RPH3A: variants seen among roughly 807,000 people sequenced by gnomAD.
The protein encoded by RPH3A is rabphilin 3A, also known as rabphilin-3A.
In RPH3A, 48 loss-of-function variants were observed where a neutral mutation model predicts 102.2. The observed-to-expected ratio is 0.47, with a 90% CI of 0.37 to 0.60. The LOEUF is 0.60. RPH3A is among the 20% of genes least tolerant of loss of function. The pLI is 0.00. For missense variants in RPH3A, 781 were observed against 910.1 expected (o/e 0.86, Z 1.83); for synonymous variants, 310 against 324.3 (o/e 0.96, Z 0.47).
At chr12:112,800,394 G>C (rs956427323) in intron 2 of RPH3A, among the ~76,000 whole-genome samples, 1 of 152,108 alleles carries the variant, frequency 6.6e-6, no homozygotes, top group African/African-American at 2.4e-5. Flanking sequence ...CACGTGATGG[G>C]GACAAAGGGA....
In RPH3A at chr12:112,770,937, C is replaced by G. The variant is rs913728587; in HGVS notation, c.-139-21206C>G. ...GGTATTATTTTGATTATTTTGATTT[C>G]AAATAAAATTGTGTTTCTCCTTGTT... On this transcript the variant is annotated intron_variant, in intron 1 of 21. Coordinates refer to the RPH3A transcript ENST00000543106. 4.6e-5 allele frequency among the ~76,000 whole-genome samples: 7 copies of G among 152,112 alleles called. No homozygotes were observed. The East Asian group carries it at 1.3e-3, about 29-fold the overall frequency.
chr12:112,731,976 C>T (rs1022337567), intron 1 of RPH3A, among the ~76,000 whole-genome samples: 3 of 152,210 alleles, frequency 2.0e-5, no homozygotes, highest in South Asian at 2.1e-4. Context: ...TGGGAAGCCT[C>T]GGGCTCATTT....
chr12:112,843,506 C>G (rs1036849185), intron 4 of RPH3A, among the ~76,000 whole-genome samples: 1 of 152,296 alleles, frequency 6.6e-6, no homozygotes, highest in Admixed American at 6.5e-5. Flanking sequence ...TCGGAGACCC[C>G]CAGCTATGCT....
intron 1 of RPH3A, among the ~76,000 whole-genome samples, chr12:112,601,155 A>T (rs1463881087): frequency 6.6e-6 from 1 of 152,234 alleles, no homozygotes; most frequent in Non-Finnish European, 1.5e-5. Context: ...GCCAAATCGT[A>T]TCAGTAGCTG....
chr12:112,735,647 G>A (rs1033830313), intron 1 of RPH3A, among the ~76,000 whole-genome samples: 53 of 152,164 alleles, frequency 3.5e-4, no homozygotes, highest in African/African-American at 1.3e-3. Flanking sequence ...TTGCACTTGA[G>A]CCTGCCAGAG....
intron 2 of RPH3A, among the ~76,000 whole-genome samples, chr12:112,825,668 G>T (rs893507191): frequency 6.6e-6 from 1 of 152,088 alleles, no homozygotes; most frequent in Non-Finnish European, 1.5e-5. Context: ...TTTTCATTAC[G>T]TACCTTCTAG....
intron 1 of RPH3A, among the ~76,000 whole-genome samples, chr12:112,726,103 CG>C: frequency 8.5e-6 from 1 of 117,978 alleles, no homozygotes; most frequent in Middle Eastern, 5.7e-3. Context: ...CCTTTTTTTT[CG>C]GGGGGGTGGG....
intron 1 of RPH3A, among the ~76,000 whole-genome samples, chr12:112,672,267 G>A (rs997291173): frequency 2.0e-5 from 3 of 151,982 alleles, no homozygotes; most frequent in African/African-American, 7.3e-5. Context: ...CTCCATCTTC[G>A]CTCTTAAGGC....
intron 16 of RPH3A, among the ~76,000 whole-genome samples, chr12:112,886,946 T>G (rs1459352347): frequency 1.3e-5 from 2 of 152,196 alleles, no homozygotes; most frequent in Non-Finnish European, 2.9e-5. Context: ...AAATGTAAAT[T>G]AAAACTAGTG....
intron 4 of RPH3A, chr12:112,837,959 A>G: frequency 2.4e-6 from 1 of 408,176 alleles, no homozygotes; most frequent in South Asian, 1.8e-5. Flanking sequence ...TACCTACTAA[A>G]TACCAAGCAC....
chr12:112,654,072 A>C (rs532281481), intron 1 of RPH3A, among the ~76,000 whole-genome samples: 2 of 152,294 alleles, frequency 1.3e-5, no homozygotes, highest in South Asian at 4.2e-4. Flanking sequence ...ACTTGCACGG[A>C]GCTGTCCTCT....
intron 1 of RPH3A, among the ~76,000 whole-genome samples, chr12:112,677,925 G>T (rs1326160958): frequency 6.6e-6 from 1 of 152,002 alleles, no homozygotes; most frequent in South Asian, 2.1e-4. Context: ...GCGTGGTGGT[G>T]CATGCCTGTA....
intron 2 of RPH3A, among the ~76,000 whole-genome samples, chr12:112,827,490 T>A (rs1003115120): frequency 6.6e-6 from 1 of 152,206 alleles, no homozygotes; most frequent in Non-Finnish European, 1.5e-5. Flanking sequence ...GTGGTTATTA[T>A]GAATAATGAA....
chr12:112,683,912 G>T (rs920294679), intron 1 of RPH3A, among the ~76,000 whole-genome samples: 9 of 152,074 alleles, frequency 5.9e-5, no homozygotes, highest in Non-Finnish European at 1.2e-4. Flanking sequence ...ATTAATAATG[G>T]TTCTAAGCTT....
chr12:112,796,359 A>G (rs1304793849), intron 2 of RPH3A, among the ~76,000 whole-genome samples: 1 of 152,144 alleles, frequency 6.6e-6, no homozygotes, highest in African/African-American at 2.4e-5. Context: ...ACTTCTTTGT[A>G]GGAGTCCTCA....
At chr12:112,802,290 G>A (rs746996268) in intron 2 of RPH3A, among the ~76,000 whole-genome samples, 6 of 152,168 alleles carry the variant, frequency 3.9e-5, no homozygotes, top group Non-Finnish European at 7.3e-5. Context: ...ACATGGGTTC[G>A]AATCCTGCCT....
At chr12:112,775,413 A>G (rs2136074945) in intron 1 of RPH3A, among the ~76,000 whole-genome samples, 1 of 152,138 alleles carries the variant, frequency 6.6e-6, no homozygotes, top group East Asian at 1.9e-4. Context: ...GAATCCAGGG[A>G]TGACTACTTT....
At chr12:112,603,225 C>G (rs1293604083) in intron 1 of RPH3A, among the ~76,000 whole-genome samples, 1 of 152,158 alleles carries the variant, frequency 6.6e-6, no homozygotes, top group Non-Finnish European at 1.5e-5. Flanking sequence ...CTTCCTGCTT[C>G]AGCTGTTTTC....
rs1566255220 is a variant in RPH3A at position 112,678,287 on chromosome 12, A to AGAGAGAGAGAGAG, written c.-140+102968_-140+102969insGAGAGAGAGAGAG. On this transcript the variant is annotated intron_variant, in intron 1 of 21. Transcript: ENST00000543106. ...AAAGAAAGAAAGAAAGAAAGAAAGA[A>AGAGAGAGAGAGAG]AGAAAGAAAGAAAGAAAGAGAGAGA... is the stretch of plus-strand genomic sequence containing the variant. 2.2e-4 allele frequency among the ~76,000 whole-genome samples: 8 copies of AGAGAGAGAGAGAG among 35,640 alleles called. 1 individual carries two copies. The highest frequency in any genetic ancestry group is 5.9e-4 in the African/African-American group (3 of 5,088). The allele number at this position is 35,640 out of a possible 152,430, so 23.4% of individuals were successfully genotyped here.
Sources: gnomAD v4.1 joint callset for allele counts (sites outside exome capture counted in the v4.1 genomes callset) on GRCh38, gnomAD v4.1.1 for gene constraint, MANE v1.5 for transcripts, NCBI Gene and HGNC (gene_info 2026-07-23, HGNC 2026-07-21) for gene names.